The following CMTM8 variants were observed in gnomAD, a reference collection of about 807,000 sequenced individuals.
CMTM8 encodes CKLF like MARVEL transmembrane domain containing 8.
CMTM8 carries 12 observed loss-of-function variants against 18.6 expected under a neutral mutation model. The ratio of observed to expected loss-of-function variants is 0.65; its 90% confidence interval spans 0.41 to 1.05. CMTM8 has a LOEUF of 1.05. Ranked by LOEUF, CMTM8 falls within the 50% of genes least tolerant of loss-of-function variation. The pLI is 0.00. For synonymous variants in CMTM8, 87 were observed against 90.6 expected (o/e 0.96, Z 0.23); for missense variants, 217 against 227.2 (o/e 0.95, Z 0.29).
At chr3:32,283,623 A>C (rs1409355611) in intron 1 of CMTM8, among the ~76,000 whole-genome samples, 1 of 152,214 alleles carries the variant, frequency 6.6e-6, no homozygotes, top group Non-Finnish European at 1.5e-5. Context: ...CCTACATAGC[A>C]GGATGTTTAC....
intron 1 of CMTM8, among the ~76,000 whole-genome samples, chr3:32,288,528 T>C (rs1171477695): frequency 2.7e-5 from 4 of 149,646 alleles, no homozygotes; most frequent in Admixed American, 1.3e-4. Flanking sequence ...TGAAATGGAG[T>C]CTTGCTCTAT....
At chr3:32,287,499 T>C (rs1258330168) in intron 1 of CMTM8, among the ~76,000 whole-genome samples, 2 of 152,192 alleles carry the variant, frequency 1.3e-5, no homozygotes, top group Non-Finnish European at 2.9e-5. Context: ...TTTTGTAGTG[T>C]TCAAATAAAT....
At chr3:32,298,922 C>CAT (rs201479496) in intron 1 of CMTM8, among the ~76,000 whole-genome samples, 1,735 of 139,134 alleles carry the variant, frequency 0.012, 23 homozygotes, top group South Asian at 0.036. Context: ...CATACACACA[C>CAT]ACATATATAT....
intron 1 of CMTM8, among the ~76,000 whole-genome samples, chr3:32,292,335 CAG>C (rs570094476): frequency 2.6e-5 from 4 of 152,284 alleles, no homozygotes; most frequent in South Asian, 2.1e-4. Flanking sequence ...ACAGATAAGA[CAG>C]GGGCCAAGAG....
chr3:32,260,160 C>G, intron 1 of CMTM8: 3 of 1,167,160 alleles, frequency 2.6e-6, no homozygotes, highest in Non-Finnish European at 3.8e-6. Flanking sequence ...ATCCAAAAGA[C>G]CACCACCTGC....
chr3:32,367,847 A>C (rs1697068400), intron 2 of CMTM8, 25 bp from the exon 3 acceptor site: 2 of 1,530,150 alleles, frequency 1.3e-6, no homozygotes, highest in East Asian at 2.2e-5. Flanking sequence ...CTCTCCCTAA[A>C]CACTCTGCCC....
intron 1 of CMTM8, among the ~76,000 whole-genome samples, chr3:32,326,355 C>T (rs1696154617): frequency 6.6e-6 from 1 of 152,072 alleles, no homozygotes; most frequent in African/African-American, 2.4e-5. Flanking sequence ...TCCAGGGTGG[C>T]CCCAACCACC....
At chr3:32,359,710 A>G (rs1696885185) in intron 2 of CMTM8, among the ~76,000 whole-genome samples, 1 of 152,148 alleles carries the variant, frequency 6.6e-6, no homozygotes, top group Admixed American at 6.6e-5. Flanking sequence ...TCCTTCACTG[A>G]TTTATTACAT....
At chr3:32,265,266 G>A (rs1207849980) in intron 1 of CMTM8, among the ~76,000 whole-genome samples, 1 of 152,192 alleles carries the variant, frequency 6.6e-6, no homozygotes, top group African/African-American at 2.4e-5. Context: ...TCAGACCACA[G>A]TGCAATCAAA....
intron 1 of CMTM8, among the ~76,000 whole-genome samples, chr3:32,274,869 G>T (rs1375307872): frequency 6.6e-6 from 1 of 152,142 alleles, no homozygotes; most frequent in Non-Finnish European, 1.5e-5. Context: ...TGTGTGTGTG[G>T]TGTTTCCTCA....
intron 1 of CMTM8, among the ~76,000 whole-genome samples, chr3:32,284,882 C>G (rs999882936): frequency 2.0e-5 from 3 of 152,150 alleles, no homozygotes; most frequent in Non-Finnish European, 2.9e-5. Context: ...TGTCCTCGGT[C>G]TTGTTCTCAA....
Position 32,289,349 on chromosome 3 carries a change from A to G in CMTM8, c.147+50230A>G, listed in dbSNP as rs531342030. Among the ~76,000 whole-genome samples, 7 of 152,334 alleles carry G rather than the reference A, an allele frequency of 4.6e-5. No individual in the cohort carries two copies. In the South Asian group the frequency reaches 1.4e-3, roughly 32 times the overall value. On this transcript the variant is annotated intron_variant, in intron 1 of 3. Transcript: ENST00000307526. ...CTTTTGGGCCTCAAGTTTGAGAATG[A>G]ACTCTGCTGTATACTCTATGGCCTC...
At chr3:32,246,182 T>C (rs1368313233) in intron 1 of CMTM8, among the ~76,000 whole-genome samples, 5 of 152,236 alleles carry the variant, frequency 3.3e-5, no homozygotes, top group Non-Finnish European at 7.3e-5. Context: ...CTGTGCTGGA[T>C]ACCTTCCATT....
At chr3:32,251,926 C>T (rs1702115641) in intron 1 of CMTM8, among the ~76,000 whole-genome samples, 1 of 151,592 alleles carries the variant, frequency 6.6e-6, no homozygotes, top group Admixed American at 6.6e-5. Context: ...CCGGTCTCTA[C>T]AAAAAACACA....
chr3:32,259,556 A>G, intron 1 of CMTM8: 1 of 831,970 alleles, frequency 1.2e-6, no homozygotes. Context: ...CGAGGCTCTC[A>G]AGAAGGAACT....
chr3:32,264,809 T>C (rs1409340188), intron 1 of CMTM8, among the ~76,000 whole-genome samples: 1 of 152,114 alleles, frequency 6.6e-6, no homozygotes, highest in Non-Finnish European at 1.5e-5. Flanking sequence ...AATCCTAGTC[T>C]CTGATAAAAC....
At chr3:32,340,394 A>C (rs1456770460) in intron 1 of CMTM8, among the ~76,000 whole-genome samples, 1 of 152,208 alleles carries the variant, frequency 6.6e-6, no homozygotes, top group Non-Finnish European at 1.5e-5. Flanking sequence ...CTGGAAAGCA[A>C]ATGTAGGGAG....
At chr3:32,241,458 A>G (rs1701945524) in intron 1 of CMTM8, among the ~76,000 whole-genome samples, 1 of 152,110 alleles carries the variant, frequency 6.6e-6, no homozygotes, top group Non-Finnish European at 1.5e-5. Flanking sequence ...TTCGGTAGAT[A>G]TTTTTTCATG....
intron 1 of CMTM8, among the ~76,000 whole-genome samples, chr3:32,250,453 G>A (rs12054238): frequency 0.042 from 6,366 of 152,178 alleles, 463 homozygotes; most frequent in East Asian, 0.32. Flanking sequence ...GGATTCTGTT[G>A]AATCTATAGA....
Sources: gnomAD v4.1 joint callset for allele counts (sites outside exome capture counted in the v4.1 genomes callset) on GRCh38, gnomAD v4.1.1 for gene constraint, MANE v1.5 for transcripts, NCBI Gene and HGNC (gene_info 2026-07-23, HGNC 2026-07-21) for gene names.